Variants in MACO1 observed in about 807,000 individuals in gnomAD.
The protein encoded by MACO1 is macoilin 1, also known as macoilin.
MACO1 carries 14 observed loss-of-function variants against 78.7 expected under a neutral mutation model. The ratio of observed to expected loss-of-function variants is 0.18; its 90% CI spans 0.12 to 0.28. The LOEUF is 0.28. Among genes scored for constraint, MACO1 ranks in the 10% least tolerant of loss-of-function variants. The pLI is 1.00. For synonymous variants in MACO1, 288 were observed against 291.6 expected (o/e 0.99, Z 0.12); for missense variants, 501 against 799.0 (o/e 0.63, Z 4.50).
intron 6 of MACO1, among the ~76,000 whole-genome samples, chr1:25,481,129 G>C (rs531925700): frequency 6.6e-6 from 1 of 151,808 alleles, no homozygotes; most frequent in African/African-American, 2.4e-5. Flanking sequence ...GGTGGGAAAA[G>C]ATTAAAAAAT....
At chr1:25,469,379 A>G (rs1407910286) in intron 6 of MACO1, among the ~76,000 whole-genome samples, 2 of 152,126 alleles carry the variant, frequency 1.3e-5, no homozygotes, top group Admixed American at 6.5e-5. Flanking sequence ...ATTGCCCTTC[A>G]TTGTACTTTC....
intron 6 of MACO1, among the ~76,000 whole-genome samples, chr1:25,462,289 C>CT (rs999290388): frequency 4.7e-5 from 7 of 148,812 alleles, no homozygotes; most frequent in African/African-American, 1.5e-4. Context: ...CTGATCTCTC[C>CT]TTTTTTTTTT....
At chr1:25,464,133 A>G (rs1300603477) in intron 6 of MACO1, among the ~76,000 whole-genome samples, 1 of 152,144 alleles carries the variant, frequency 6.6e-6, no homozygotes, top group Non-Finnish European at 1.5e-5. Flanking sequence ...TTACTGCCCT[A>G]GAAATCCTCT....
chr1:25,490,202 A>G (rs1380348116), intron 9 of MACO1, among the ~76,000 whole-genome samples: 2 of 152,236 alleles, frequency 1.3e-5, no homozygotes, highest in Non-Finnish European at 1.5e-5. Context: ...TGGGGAAGGT[A>G]TGAATATTGC....
In MACO1 at chr1:25,481,167, C is replaced by T. The variant is rs141307234; in HGVS notation, c.1155-2949C>T. ...AAGAAAGTAACAACTACAAAATTCT[C>T]ACAATCTAGCCTCTACAGATTTAAT... On this transcript the variant is annotated intron_variant, in intron 6 of 10. Transcript: ENST00000374343. Among the ~76,000 whole-genome samples the T allele has an allele frequency of 4.5e-3, 680 of 152,038 alleles. 7 individuals are homozygous for T. The highest frequency in any genetic ancestry group is 0.015 in the African/African-American group (616 of 41,448).
At chr1:25,479,986 C>T (rs1326380489) in intron 6 of MACO1, among the ~76,000 whole-genome samples, 2 of 152,000 alleles carry the variant, frequency 1.3e-5, no homozygotes, top group East Asian at 3.9e-4. Flanking sequence ...GTGAGCAGTT[C>T]GTCTGGATAA....
At chr1:25,447,545 A>G (rs1408253209) in intron 2 of MACO1, among the ~76,000 whole-genome samples, 1 of 152,216 alleles carries the variant, frequency 6.6e-6, no homozygotes, top group African/African-American at 2.4e-5. Flanking sequence ...CAGAATATAG[A>G]AGAGTGGCTC....
chr1:25,443,803 T>G (rs551952948), intron 1 of MACO1, among the ~76,000 whole-genome samples: 32 of 152,322 alleles, frequency 2.1e-4, no homozygotes, highest in Non-Finnish European at 3.2e-4. Context: ...CAATTGGTGG[T>G]ACTCTTTCTT....
chr1:25,444,885 T>C (rs2043002256), intron 1 of MACO1, among the ~76,000 whole-genome samples: 1 of 152,086 alleles, frequency 6.6e-6, no homozygotes, highest in Non-Finnish European at 1.5e-5. Context: ...GTTTGTTCTT[T>C]GTAATAAAAT....
At chr1:25,491,203 A>G (rs1433159754) in intron 9 of MACO1, 1 of 183,180 alleles carries the variant, frequency 5.5e-6, no homozygotes, top group African/African-American at 2.4e-5. Context: ...TGCCCAGCAC[A>G]GTCAAATGAT....
chr1:25,486,220 A>C (rs1038913338), intron 8 of MACO1, among the ~76,000 whole-genome samples: 1 of 152,226 alleles, frequency 6.6e-6, no homozygotes, highest in Non-Finnish European at 1.5e-5. Flanking sequence ...AAGAAAGATA[A>C]AATCTTGGTT....
Position 25,499,758 on chromosome 1 carries a change from A to G in MACO1, c.*1292A>G, listed in dbSNP as rs907894849. Reference sequence around the variant, plus strand: ...GAAACTAGGAAAAATTAAGAAACCAAATAAATTGGTTTTGCTTCCTTGCCA... The same window carrying G: ...GAAACTAGGAAAAATTAAGAAACCAGATAAATTGGTTTTGCTTCCTTGCCA... On this transcript the variant is annotated 3_prime_UTR_variant, in exon 11 of 11. Coordinates refer to ENST00000374343, the MANE Select transcript of MACO1 (RefSeq NM_018202.6). 2 of 152,110 alleles carry G rather than the reference A, an allele frequency of 1.3e-5. No homozygotes were observed. Among genetic ancestry groups the G allele is most frequent in the African/African-American group, 4.8e-5 (2 of 41,412 alleles). The allele number at this position is 152,110 out of a possible 1,614,324, so 9.4% of individuals were successfully genotyped here.
At position 25,431,041 on chromosome 1, in the gene MACO1, G is replaced by GGCA. The variant is rs2042858769; in HGVS notation, c.-55_-53dup. ...CGACGCGGGGCGGGCCAGCGGCGGC[G>GGCA]GCAGCTGAGGTGAGAGACGGCGGCG... is the stretch of plus-strand genomic sequence containing the variant. On this transcript the variant is annotated 5_prime_UTR_variant, in exon 1 of 11. Coordinates refer to ENST00000374343, the MANE Select transcript of MACO1 (RefSeq NM_018202.6). 7.0e-7 allele frequency: 1 copy of GGCA among 1,432,446 alleles called. No individual in the cohort carries two copies. The highest frequency in any genetic ancestry group is 2.7e-5 in the East Asian group (1 of 37,352). The allele number at this position is 1,432,446 out of a possible 1,614,324, so 88.7% of individuals were successfully genotyped here. A position where few individuals can be genotyped will look rare whatever the true frequency, so the allele number is the denominator to read the frequency against.
chr1:25,466,445 C>T (rs558731470), intron 6 of MACO1, among the ~76,000 whole-genome samples: 2 of 152,286 alleles, frequency 1.3e-5, no homozygotes, highest in African/African-American at 4.8e-5. Flanking sequence ...TCTCGAGTAG[C>T]TGGGATTACA....
rs534527020 is a variant in MACO1 at position 25,465,863 on chromosome 1, A to G, written c.1154+6971A>G. ...CCACTTATGAGTACAAACATGTAAT[A>G]TCAGGCTTTTCGCATCTGGCTTGTT... On this transcript the variant is annotated intron_variant, in intron 6 of 10. Transcript: ENST00000374343. Among the ~76,000 whole-genome samples, 10 of 152,348 alleles carry G rather than the reference A, an allele frequency of 6.6e-5. No individual in the cohort carries two copies. The South Asian group carries it at 2.1e-3, about 32-fold the overall frequency.
At chr1:25,468,503 T>A (rs1475348717) in intron 6 of MACO1, among the ~76,000 whole-genome samples, 1 of 152,166 alleles carries the variant, frequency 6.6e-6, no homozygotes, top group Non-Finnish European at 1.5e-5. Flanking sequence ...GGTGAGCTCC[T>A]AGAAATTTTG....
At chr1:25,464,970 A>G (rs1239608061) in intron 6 of MACO1, among the ~76,000 whole-genome samples, 1 of 135,022 alleles carries the variant, frequency 7.4e-6, no homozygotes, top group African/African-American at 2.9e-5. Flanking sequence ...CACTGCGCCC[A>G]GGCAATTTTT....
intron 10 of MACO1, among the ~76,000 whole-genome samples, chr1:25,496,356 C>T (rs887663639): frequency 1.3e-5 from 2 of 152,016 alleles, no homozygotes; most frequent in African/African-American, 4.8e-5. Context: ...TCATGTTGCC[C>T]GGGCTGGTCT....
intron 1 of MACO1, among the ~76,000 whole-genome samples, chr1:25,433,729 C>T (rs1571944625): frequency 6.6e-6 from 1 of 152,342 alleles, no homozygotes; most frequent in Non-Finnish European, 1.5e-5. Context: ...GCAGACAGGG[C>T]ATCCACAGCT....
Sources: allele counts gnomAD v4.1 joint callset (sites outside exome capture counted in the v4.1 genomes callset), GRCh38; gene constraint gnomAD v4.1.1; transcripts MANE v1.5; gene names NCBI Gene and HGNC (gene_info 2026-07-23, HGNC 2026-07-21).